Variants in DCC observed in about 807,000 individuals in gnomAD.
The protein encoded by DCC is DCC netrin 1 receptor, also known as netrin receptor DCC.
A neutral mutation model predicts 172.5 loss-of-function variants in DCC; 58 were observed. The ratio of observed to expected loss-of-function variants is 0.34; its 90% CI spans 0.27 to 0.42. The LOEUF (loss-of-function observed/expected upper bound fraction) is 0.42, where lower values mean the gene tolerates loss of function less well. Ranked by LOEUF, DCC falls within the 10% of genes least tolerant of loss-of-function variation. The probability of loss-of-function intolerance (pLI) is 1.00; values close to 1 mark genes in which losing one functional copy is unlikely to be tolerated. For synonymous variants in DCC, 709 were observed against 644.5 expected, an observed-to-expected ratio of 1.10 and a Z score of -1.52; for missense variants, 1,740 against 1,791.0, an observed-to-expected ratio of 0.97 and a Z score of 0.51.
intron 1 of DCC, among the ~76,000 whole-genome samples, chr18:52,717,454 A>G (rs1349848723): frequency 6.9e-6 from 1 of 145,640 alleles, no homozygotes; most frequent in African/African-American, 2.5e-5. Flanking sequence ...TTTTTCCAAA[A>G]AAAGGAAGCT....
intron 7 of DCC, among the ~76,000 whole-genome samples, chr18:53,100,512 G>A (rs2043156651): frequency 2.6e-5 from 4 of 151,894 alleles, no homozygotes; most frequent in African/African-American, 9.7e-5. Flanking sequence ...AAAGGAGAAC[G>A]AGGACAATAG....
intron 1 of DCC, among the ~76,000 whole-genome samples, chr18:52,726,989 G>A (rs574734713): frequency 1.7e-3 from 265 of 152,272 alleles, no homozygotes; most frequent in Admixed American, 3.5e-3. Flanking sequence ...TCTGGCTTAG[G>A]AAATCTCTGG....
chr18:53,287,707 T>A (rs2056952368), intron 12 of DCC, among the ~76,000 whole-genome samples: 1 of 152,180 alleles, frequency 6.6e-6, no homozygotes, highest in Non-Finnish European at 1.5e-5. Context: ...ATCATAGTGG[T>A]TGTACAGTGG....
At chr18:53,485,877 T>C (rs978066226) in intron 25 of DCC, among the ~76,000 whole-genome samples, 1 of 152,054 alleles carries the variant, frequency 6.6e-6, no homozygotes, top group Non-Finnish European at 1.5e-5. Flanking sequence ...TGTGCATGCA[T>C]GTATGTGTAT....
chr18:53,446,634 T>A (rs1048255661), intron 22 of DCC, among the ~76,000 whole-genome samples: 5 of 152,316 alleles, frequency 3.3e-5, no homozygotes, highest in South Asian at 4.1e-4. Flanking sequence ...TTTACCTGCA[T>A]GCTAAAATTT....
At chr18:53,446,191 T>G (rs1231225070) in intron 22 of DCC, among the ~76,000 whole-genome samples, 1 of 149,722 alleles carries the variant, frequency 6.7e-6, no homozygotes, top group Non-Finnish European at 1.5e-5. Flanking sequence ...GAAACTGAGA[T>G]GGGAGAATTG....
At chr18:52,576,903 T>C (rs980702705) in intron 1 of DCC, among the ~76,000 whole-genome samples, 3 of 152,150 alleles carry the variant, frequency 2.0e-5, no homozygotes, top group African/African-American at 7.2e-5. Context: ...TTCCTGTCCT[T>C]CCTTCAATGA....
chr18:52,371,750 G>GGTTTGTTACAATTT (rs1346578494), intron 1 of DCC, among the ~76,000 whole-genome samples: 1 of 152,210 alleles, frequency 6.6e-6, no homozygotes, highest in African/African-American at 2.4e-5. Context: ...TCAATTTTCT[G>GGTTTGTTACAATTT]TCTGGTTTAT....
intron 1 of DCC, among the ~76,000 whole-genome samples, chr18:52,735,620 G>A (rs1458336875): frequency 7.0e-6 from 1 of 142,366 alleles, no homozygotes; most frequent in Non-Finnish European, 1.5e-5. Context: ...ACTGGTATAA[G>A]TCCAAAAGTC....
rs2045520180 is a variant in DCC, at chr18:53,459,239, G to A, written c.3400G>A (p.Ala1134Thr). ...RSSAQQRKKR[A>T]THSAGKRKGS... is the part of the protein sequence containing the mutation. The stretch of plus-strand genomic sequence containing the variant: ...TCTAACTTTGTTCCATAGGAAACGG[G>A]CCACCCACAGTGCTGGCAAAAGGAA... The change falls in exon 24 of 29, where the codon GCC (alanine) becomes ACC (threonine). Residue 1134 changes from alanine (A) to threonine (T), a missense_variant. This residue lies in a region of DCC where 1,732 missense variants were observed against 1,767.4 expected (regional missense o/e 0.98). Transcript: ENST00000442544. 3 of 1,613,920 alleles carry A rather than the reference G, an allele frequency of 1.9e-6. No individual in the cohort carries two copies. Among genetic ancestry groups the A allele is most frequent in the Non-Finnish European group, 1.7e-6 (2 of 1,179,848 alleles).
chr18:52,523,467 T>C (rs2031885056), intron 1 of DCC, among the ~76,000 whole-genome samples: 1 of 152,204 alleles, frequency 6.6e-6, no homozygotes, highest in South Asian at 2.1e-4. Context: ...GAAGTGTGTT[T>C]TCACTTTTTA....
intron 1 of DCC, among the ~76,000 whole-genome samples, chr18:52,369,604 T>C (rs1429186968): frequency 2.0e-5 from 3 of 151,882 alleles, no homozygotes; most frequent in Non-Finnish European, 4.4e-5. Flanking sequence ...GAGACCTTTC[T>C]CTCTCTGCCT....
At chr18:53,217,889 G>T (rs572636073) in intron 12 of DCC, among the ~76,000 whole-genome samples, 5 of 152,016 alleles carry the variant, frequency 3.3e-5, no homozygotes, top group Non-Finnish European at 5.9e-5. Context: ...TTGTTGCCCA[G>T]GTTGGAGTGC....
rs375149070 is a variant in DCC, at chr18:53,402,983, G to A, written c.2935+90G>A. ...ATGAGCTGCTCCTGCCTTTCGTGTG[G>A]CATTATTCTGTCCCTACATCTCAGC... On this transcript the variant is annotated intron_variant, in intron 19 of 28. Coordinates refer to ENST00000442544, the MANE Select transcript of DCC (RefSeq NM_005215.4). 6.4e-4 allele frequency: 571 copies of A among 885,678 alleles called. 1 individual carries two copies. The African/African-American group carries it at 8.6e-3, about 13-fold the overall frequency. The allele number at this position is 885,678 out of a possible 1,614,324, so 54.9% of individuals were successfully genotyped here.
chr18:53,394,844 A>G (rs1908813322), intron 17 of DCC, among the ~76,000 whole-genome samples: 1 of 152,160 alleles, frequency 6.6e-6, no homozygotes, highest in South Asian at 2.1e-4. Context: ...TTTACACACA[A>G]GAAAACTAAG....
In DCC at chr18:53,402,842, G is replaced by A; in HGVS notation, c.2884G>A (p.Ala962Thr). 6.2e-7 allele frequency: 1 copy of A among 1,614,076 alleles called. No individual in the cohort carries two copies. The highest frequency in any genetic ancestry group is 8.5e-7 in the Non-Finnish European group (1 of 1,180,010). The change falls in exon 19 of 29, where the codon GCC becomes ACC. Residue 962 changes from alanine (A) to threonine (T), a missense_variant. Physicochemically the swap from Ala to Thr is moderately conservative, Grantham distance 58 (BLOSUM62 0). This residue lies in a region of DCC where 1,732 missense variants were observed against 1,767.4 expected (regional missense o/e 0.98). Coordinates refer to ENST00000442544, the MANE Select transcript of DCC (RefSeq NM_005215.4). ...CATTACTAGGGAAGGGAAGCCTCGT[G>A]CCGTCATTGTGAGTTGGCAGCCTCC... is the stretch of plus-strand genomic sequence containing the variant. ...TVITREGKPRAVIVSWQPPLE... is the reference protein window; with the variant it reads ...TVITREGKPRTVIVSWQPPLE...
intron 5 of DCC, among the ~76,000 whole-genome samples, chr18:53,029,489 C>T (rs2041999039): frequency 6.6e-6 from 1 of 152,260 alleles, no homozygotes; most frequent in Middle Eastern, 3.4e-3. Context: ...ATACCTTCTC[C>T]ATGATCCCAC....
intron 1 of DCC, among the ~76,000 whole-genome samples, chr18:52,495,437 GAA>G (rs1318847615): frequency 1.3e-5 from 2 of 152,104 alleles, no homozygotes; most frequent in African/African-American, 4.8e-5. Context: ...CCCCAAGAGA[GAA>G]GTTTCTTTAG....
At chr18:52,957,917 G>C (rs1016611888) in intron 5 of DCC, among the ~76,000 whole-genome samples, 1 of 152,170 alleles carries the variant, frequency 6.6e-6, no homozygotes, top group Non-Finnish European at 1.5e-5. Context: ...ATGTTCAGAT[G>C]AGCATTTTAC....
Sources: gnomAD v4.1 joint callset for allele counts (sites outside exome capture counted in the v4.1 genomes callset) on GRCh38, gnomAD v4.1.1 for gene constraint, gnomAD v4.1.1 regional missense constraint, MANE v1.5 for transcripts, NCBI Gene and HGNC (gene_info 2026-07-23, HGNC 2026-07-21) for gene names.